Variants in STUB1 observed in about 807,000 individuals in gnomAD.
STUB1 encodes STIP1 homology and U-box containing protein 1.
A neutral mutation model predicts 40.3 loss-of-function variants in STUB1; 37 were observed. The ratio of observed to expected loss-of-function variants is 0.92; its 90% CI spans 0.71 to 1.21. STUB1 has a LOEUF of 1.21. Among genes scored for constraint, STUB1 ranks in the 50% most tolerant of loss-of-function variants. The pLI, the probability that STUB1 is intolerant of heterozygous loss-of-function variation, is 0.00. For missense variants in STUB1, 460 were observed against 421.9 expected (o/e 1.09, Z -0.79); for synonymous variants, 246 against 171.9 (o/e 1.43, Z -3.37).
At chr16:681,719 G>T in intron 3 of STUB1, 74 bp from the exon 4 acceptor site, 3 of 1,553,360 alleles carry the variant, frequency 1.9e-6, no homozygotes, top group Non-Finnish European at 2.6e-6. Context: ...AAGTGTGGAT[G>T]TTAGCTCTGA....
chr16:682,667 T>G lies in STUB1; in HGVS notation c.*178T>G, dbSNP rs2039721303. 2 of 1,412,562 alleles carry G rather than the reference T, an allele frequency of 1.4e-6. No homozygotes were observed. Among genetic ancestry groups the G allele is most frequent in the African/African-American group, 2.8e-5 (2 of 71,050 alleles). The allele number at this position is 1,412,562 out of a possible 1,614,324, so 87.5% of individuals were successfully genotyped here. A position where few individuals can be genotyped will look rare whatever the true frequency, so the allele number is the denominator to read the frequency against. On this transcript the variant is annotated 3_prime_UTR_variant, in exon 7 of 7. Transcript: ENST00000219548. ...GCTGGGCCGTGATCGTCCCCCTTTG[T>G]GGGCTGGAAAAGCAGGTGAGGGTGG... is the stretch of plus-strand genomic sequence containing the variant.
At chr16:681,092 G>A in intron 1 of STUB1, 60 bp from the exon 2 acceptor site, 2 of 1,492,094 alleles carry the variant, frequency 1.3e-6, no homozygotes, top group Non-Finnish European at 1.8e-6. Flanking sequence ...ACGGGCCGTG[G>A]GTCAGAGTGG....
chr16:680,960 A>G lies in STUB1; in HGVS notation c.160-192A>G, dbSNP rs1317181845. The G allele has an allele frequency of 2.1e-5, 15 of 712,124 alleles. No homozygotes were observed. In the East Asian group the frequency reaches 4.2e-4, roughly 20 times the overall value. The allele number at this position is 712,124 out of a possible 1,614,324, so 44.1% of individuals were successfully genotyped here. A position where few individuals can be genotyped will look rare whatever the true frequency, so the allele number is the denominator to read the frequency against. On this transcript the variant is annotated intron_variant, in intron 1 of 6. Coordinates refer to ENST00000219548, the MANE Select transcript of STUB1 (RefSeq NM_005861.4). This position sits in a 1 kb window ranked among gnomAD's most constrained non-coding sequence, Gnocchi z 4.9. ...CCAAAGATTTGGAAAACTTTACAAA[A>G]CCAAGTGGAATCAAGCGGATAGGCT... is the stretch of plus-strand genomic sequence containing the variant.
Position 680,722 on chromosome 16 carries a change from A to T in STUB1, c.159+38A>T. 1 of 1,056,020 alleles carries T rather than the reference A, an allele frequency of 9.5e-7. No homozygotes were observed. The highest frequency in any genetic ancestry group is 4.3e-5 in the South Asian group (1 of 23,334). 65.4% of individuals were successfully genotyped at this position (1,056,020 alleles called of 1,614,324 possible). A position where few individuals can be genotyped will look rare whatever the true frequency, so the allele number is the denominator to read the frequency against. ...GCGCGGGGAGGGCGGCGGCGGTGGCACCGGGGAGGGCCGGGCCCGGGCCCG... is the reference window on the plus strand; with the variant it reads ...GCGCGGGGAGGGCGGCGGCGGTGGCTCCGGGGAGGGCCGGGCCCGGGCCCG... On this transcript the variant is annotated intron_variant, in intron 1 of 6. Transcript: ENST00000219548. This position sits in a 1 kb window ranked among gnomAD's most constrained non-coding sequence, Gnocchi z 4.9.
In STUB1 at chr16:680,856, G is replaced by A. The variant is rs901327214; in HGVS notation, c.159+172G>A. ...GGGTGCCGGAGAACGAGGGTGCGAT[G>A]CTGGATGGAGGCCGGCCGGGTGGGG... On this transcript the variant is annotated intron_variant, in intron 1 of 6. Coordinates refer to ENST00000219548, the MANE Select transcript of STUB1 (RefSeq NM_005861.4). The surrounding 1 kb of genome is among the most constrained non-coding windows in gnomAD (Gnocchi z 4.9). 3 of 716,920 alleles carry A rather than the reference G, an allele frequency of 4.2e-6. No homozygotes were observed. Among genetic ancestry groups the A allele is most frequent in the African/African-American group, 3.7e-5 (2 of 53,932 alleles). 44.4% of individuals were successfully genotyped at this position (716,920 alleles called of 1,614,324 possible).
Position 680,613 on chromosome 16 carries a change from A to G in STUB1, c.88A>G (p.Lys30Glu). 1 of 1,407,728 alleles carries G rather than the reference A, an allele frequency of 7.1e-7. No individual in the cohort carries two copies. Among genetic ancestry groups the G allele is most frequent in the South Asian group, 1.6e-5 (1 of 63,938 alleles). The allele number at this position is 1,407,728 out of a possible 1,614,324, so 87.2% of individuals were successfully genotyped here. The stretch of plus-strand genomic sequence containing the variant: ...GAAGAGCCCGAGCGCGCAGGAGCTC[A>G]AGGAGCAGGGCAATCGTCTGTTCGT... Reference protein sequence around the residue: ...PEKSPSAQELKEQGNRLFVGR... With the variant: ...PEKSPSAQELEEQGNRLFVGR... The change falls in exon 1 of 7, where the codon AAG (lysine) becomes GAG (glutamate). Residue 30 changes from lysine to glutamate, a missense_variant. By Grantham distance (56) the Lys-to-Glu change is moderately conservative. Transcript: ENST00000219548. The surrounding 1 kb of genome is among the most constrained non-coding windows in gnomAD (Gnocchi z 4.9).
Position 682,053 on chromosome 16 carries a change from TC to T in STUB1, c.647del (p.Ser216PhefsTer24). 1.3e-6 allele frequency: 2 copies of T among 1,586,546 alleles called. No homozygotes were observed. The highest frequency in any genetic ancestry group is 1.7e-6 in the Non-Finnish European group (2 of 1,160,592). On this transcript the variant is annotated frameshift_variant, in exon 5 of 7. Transcript: ENST00000219548. LOFTEE classifies it high-confidence loss of function. ...CATGGCGGACATGGACGAGCTTTTT[TC>T]TCAGGTGGATGAGAAGAGGAAGGTG... is the stretch of plus-strand genomic sequence containing the variant. ...KYMADMDELF[S>X]QVDEKRKKRD... is the part of the protein sequence containing the mutation.
In STUB1 at chr16:680,428, A is replaced by T. The variant is rs2039630367; in HGVS notation, c.-98A>T. The T allele has an allele frequency of 1.9e-6, 2 of 1,076,964 alleles. No homozygotes were observed. The highest frequency in any genetic ancestry group is 2.3e-6 in the Non-Finnish European group (2 of 875,448). The allele number at this position is 1,076,964 out of a possible 1,614,324, so 66.7% of individuals were successfully genotyped here. On this transcript the variant is annotated 5_prime_UTR_variant, in exon 1 of 7. Transcript: ENST00000219548. This position sits in a 1 kb window ranked among gnomAD's most constrained non-coding sequence, Gnocchi z 4.9. ...CGGCGGCGGAGCTGGGCCGGGCCCGAGCGGATCGCGGGCTCGGGCTGCGGG... is the reference window on the plus strand; with the variant it reads ...CGGCGGCGGAGCTGGGCCGGGCCCGTGCGGATCGCGGGCTCGGGCTGCGGG...
intron 4 of STUB1, 62 bp downstream of exon 4, chr16:681,942 C>A: frequency 6.2e-7 from 1 of 1,612,714 alleles, no homozygotes; most frequent in Non-Finnish European, 8.5e-7. Flanking sequence ...GGAGCATCCC[C>A]GCCTTGTGTT....
chr16:681,601 G>A lies in STUB1; in HGVS notation c.522G>A (p.Glu174=). ...CCAGGCTCATTGCCGCGGAGCGTGA[G>A]AGGTGGGACCCTCACCCCAGGCCGC... ...YLSRLIAAER[E]RELEECQRNH... The change falls in exon 3 of 7, where the codon GAG becomes GAA. Residue 174 remains glutamate (E), a splice_region_variant and synonymous_variant. Coordinates refer to ENST00000219548, the MANE Select transcript of STUB1 (RefSeq NM_005861.4). The A allele has an allele frequency of 6.2e-6, 10 of 1,606,814 alleles. No individual in the cohort carries two copies. The highest frequency in any genetic ancestry group is 1.3e-5 in the African/African-American group (1 of 74,952).
chr16:682,301 G>A lies in STUB1; in HGVS notation c.786+20G>A. 1 of 1,612,566 alleles carries A rather than the reference G, an allele frequency of 6.2e-7. No individual in the cohort carries two copies. On this transcript the variant is annotated intron_variant, in intron 6 of 6. Transcript: ENST00000219548. ...CTGCAGGTGAGGCCTGCGGCTGGGG[G>A]AGCAGGGCCAGTGGCATGGTCCTGG...
Position 680,724 on chromosome 16 carries a change from CG to C in STUB1, c.159+44del. On this transcript the variant is annotated intron_variant, in intron 1 of 6. Coordinates refer to ENST00000219548, the MANE Select transcript of STUB1 (RefSeq NM_005861.4). This position sits in a 1 kb window ranked among gnomAD's most constrained non-coding sequence, Gnocchi z 4.9. ...GCGGGGAGGGCGGCGGCGGTGGCAC[CG>C]GGGAGGGCCGGGCCCGGGCCCGGCC... The C allele has an allele frequency of 1.0e-6, 1 of 969,556 alleles. No individual in the cohort carries two copies. Among genetic ancestry groups the C allele is most frequent in the Non-Finnish European group, 1.2e-6 (1 of 808,122 alleles). 60.1% of individuals were successfully genotyped at this position (969,556 alleles called of 1,614,324 possible).
At position 680,452 on chromosome 16, in the gene STUB1, G is replaced by C. The variant is rs1020429835; in HGVS notation, c.-74G>C. On this transcript the variant is annotated 5_prime_UTR_variant, in exon 1 of 7. Coordinates refer to ENST00000219548, the MANE Select transcript of STUB1 (RefSeq NM_005861.4). The surrounding 1 kb of genome is among the most constrained non-coding windows in gnomAD (Gnocchi z 4.9). The stretch of plus-strand genomic sequence containing the variant: ...GAGCGGATCGCGGGCTCGGGCTGCG[G>C]GGCTCCGGCTGCGGGCGCTGGGCCG... 23 of 1,152,680 alleles carry C rather than the reference G, an allele frequency of 2.0e-5. No homozygotes were observed. The African/African-American group carries it at 3.1e-4, about 15-fold the overall frequency. 71.4% of individuals were successfully genotyped at this position (1,152,680 alleles called of 1,614,324 possible).
chr16:681,661 G>C, intron 3 of STUB1, 58 bp downstream of exon 3: 1 of 1,569,170 alleles, frequency 6.4e-7, no homozygotes, highest in Non-Finnish European at 8.7e-7. Context: ...ACCGACTCCC[G>C]ACACAAGCGT....
chr16:682,594 A>C lies in STUB1; in HGVS notation c.*105A>C. The C allele has an allele frequency of 6.5e-7, 1 of 1,526,826 alleles. No homozygotes were observed. The highest frequency in any genetic ancestry group is 2.3e-5 in the East Asian group (1 of 44,024). The allele number at this position is 1,526,826 out of a possible 1,614,324, so 94.6% of individuals were successfully genotyped here. Reference sequence around the variant, plus strand: ...CTGGCCACCCCGACCGCTTCCCCCAAGTTCTGCTGTTGGACTCTGGACTGT... The same window carrying C: ...CTGGCCACCCCGACCGCTTCCCCCACGTTCTGCTGTTGGACTCTGGACTGT... On this transcript the variant is annotated 3_prime_UTR_variant, in exon 7 of 7. Coordinates refer to ENST00000219548, the MANE Select transcript of STUB1 (RefSeq NM_005861.4).
At chr16:681,748 C>T in intron 3 of STUB1, 45 bp from the exon 4 acceptor site, 1 of 1,559,728 alleles carries the variant, frequency 6.4e-7, no homozygotes, top group South Asian at 1.2e-5. Context: ...TGTGGTCAGA[C>T]ATCTGGCCAG....
chr16:682,133 T>G (rs752929284), intron 5 of STUB1, 32 bp from the exon 6 acceptor site: 2 of 1,590,808 alleles, frequency 1.3e-6, no homozygotes, highest in Admixed American at 1.7e-5. Flanking sequence ...GTGCCCCTTT[T>G]CAGCCTCTGA....
rs2039633902 is a variant in STUB1, at chr16:680,596, C to T, written c.71C>T (p.Pro24Leu). Residue 24 changes from proline (P) to leucine (L), a missense_variant, in exon 1 of 7, where the codon CCG becomes CTG. Pro to Leu is a moderately conservative substitution (Grantham distance 98). Transcript: ENST00000219548. This position sits in a 1 kb window ranked among gnomAD's most constrained non-coding sequence, Gnocchi z 4.9. ...GGCGGCGGAAGCCCCGAGAAGAGCC[C>T]GAGCGCGCAGGAGCTCAAGGAGCAG... ...GAGGGSPEKS[P>L]SAQELKEQGN... 2 of 1,407,670 alleles carry T rather than the reference C, an allele frequency of 1.4e-6. No homozygotes were observed. The highest frequency in any genetic ancestry group is 3.0e-5 in the East Asian group (1 of 33,440). 87.2% of individuals were successfully genotyped at this position (1,407,670 alleles called of 1,614,324 possible).
At chr16:682,105 C>T (rs761871610) in intron 5 of STUB1, 29 bp downstream of exon 5, 1 of 1,582,034 alleles carries the variant, frequency 6.3e-7, no homozygotes, top group South Asian at 1.1e-5. Context: ...CTGCCGATGG[C>T]TGGCAGGTGC....
Sources: gnomAD v4.1 joint callset for allele counts on GRCh38, gnomAD v4.1.1 for gene constraint, Gnocchi (gnomAD v3.1) non-coding constraint, MANE v1.5 for transcripts, NCBI Gene and HGNC (gene_info 2026-07-23, HGNC 2026-07-21) for gene names.